The following IDO2 variants were observed in gnomAD, a reference collection of about 807,000 sequenced individuals.
IDO2 encodes the protein indoleamine 2,3-dioxygenase-like 1 protein.
A neutral mutation model predicts 45.1 loss-of-function variants in IDO2; 46 were observed. That is an observed-to-expected ratio of 1.02 (90% CI 0.80 to 1.30). The LOEUF is 1.30. IDO2 is among the 50% of genes most tolerant of loss of function. IDO2 has a pLI of 0.00. For synonymous variants in IDO2, 218 were observed against 184.9 expected, an observed-to-expected ratio of 1.18 and a Z score of -1.45; for missense variants, 544 against 491.8, an observed-to-expected ratio of 1.11 and a Z score of -1.00.
chr8:39,987,913 G>A (rs778093896), exon 7 of IDO2: 5 of 1,611,760 alleles, frequency 3.1e-6, no homozygotes, highest in Non-Finnish European at 4.2e-6. Context: ...GAGAGAGCCT[G>A]CATGGTTTTA....
intron 1 of IDO2, among the ~76,000 whole-genome samples, chr8:39,944,762 C>T (rs1394135592): frequency 1.3e-5 from 2 of 152,172 alleles, no homozygotes; most frequent in African/African-American, 4.8e-5. Flanking sequence ...CTGGACCCCC[C>T]TCCCCTTTCT....
intron 6 of IDO2, 56 bp from the exon 7 acceptor site, chr8:39,987,815 G>A (rs1354754994): frequency 2.0e-6 from 2 of 1,017,272 alleles, no homozygotes; most frequent in Non-Finnish European, 3.0e-6. Flanking sequence ...TCTGGGCAGT[G>A]AGTACTCACG....
At chr8:39,976,161 T>C (rs1318763923) in intron 3 of IDO2, among the ~76,000 whole-genome samples, 1 of 151,982 alleles carries the variant, frequency 6.6e-6, no homozygotes, top group African/African-American at 2.4e-5. Context: ...TGTATTTTTA[T>C]AGAGATGGGA....
At chr8:39,953,866 T>C (rs1304413559) in intron 2 of IDO2, among the ~76,000 whole-genome samples, 1 of 152,220 alleles carries the variant, frequency 6.6e-6, no homozygotes, top group Non-Finnish European at 1.5e-5. Flanking sequence ...ACTTTTCTCT[T>C]CTACCCGAGA....
At chr8:39,936,236 T>G (rs1037805054) in intron 1 of IDO2, among the ~76,000 whole-genome samples, 15 of 152,176 alleles carry the variant, frequency 9.9e-5, no homozygotes, top group Admixed American at 2.6e-4. Context: ...TGCATTTTGA[T>G]GAAAAAAATT....
intron 5 of IDO2, among the ~76,000 whole-genome samples, chr8:39,984,397 C>A (rs1808394291): frequency 6.6e-6 from 1 of 152,182 alleles, no homozygotes; most frequent in South Asian, 2.1e-4. Context: ...ATCACTTGAA[C>A]CTGGGAGGCA....
intron 8 of IDO2, chr8:39,995,138 A>C (rs5029661): frequency 0.12 from 14,130 of 116,668 alleles, 1,014 homozygotes; most frequent in East Asian, 0.36. Context: ...AATTATTCTT[A>C]TTATTCTTCT....
chr8:39,981,564 C>A (rs1036447026), intron 4 of IDO2, among the ~76,000 whole-genome samples: 1 of 152,090 alleles, frequency 6.6e-6, no homozygotes, highest in African/African-American at 2.4e-5. Context: ...CCCACCACCC[C>A]GCCTCAGATC....
At chr8:39,946,624 T>C (rs1807735642) in intron 1 of IDO2, among the ~76,000 whole-genome samples, 1 of 151,842 alleles carries the variant, frequency 6.6e-6, no homozygotes, top group Non-Finnish European at 1.5e-5. Context: ...AATAAATAGA[T>C]AAATAACCTC....
chr8:40,005,436 T>A, intron 9 of IDO2, 58 bp downstream of exon 9: 4 of 1,140,206 alleles, frequency 3.5e-6, no homozygotes, highest in Non-Finnish European at 4.9e-6. Context: ...ACTGAATGTA[T>A]AAGGGGACGA....
chr8:39,975,204 C>T (rs533596899), intron 3 of IDO2, among the ~76,000 whole-genome samples: 6 of 145,574 alleles, frequency 4.1e-5, no homozygotes, highest in Non-Finnish European at 7.5e-5. Flanking sequence ...CTCACTCTGT[C>T]GCCCAGGCTG....
intron 7 of IDO2, among the ~76,000 whole-genome samples, chr8:39,988,189 A>T (rs1413557269): frequency 6.6e-6 from 1 of 152,156 alleles, no homozygotes; most frequent in East Asian, 1.9e-4. Flanking sequence ...TCCATTCAAC[A>T]AACAGGCATT....
chr8:39,980,843 G>A (rs1442731857), intron 4 of IDO2, among the ~76,000 whole-genome samples: 1 of 151,420 alleles, frequency 6.6e-6, no homozygotes, highest in Non-Finnish European at 1.5e-5. Context: ...TCGGCTTCCT[G>A]GGTCCAAGGG....
At chr8:39,953,513 A>G (rs1439394063) in intron 2 of IDO2, among the ~76,000 whole-genome samples, 1 of 152,190 alleles carries the variant, frequency 6.6e-6, no homozygotes, top group East Asian at 1.9e-4. Flanking sequence ...AGTCCCATAA[A>G]TTGAAATCTA....
At chr8:39,977,895 T>C (rs1808285746) in intron 3 of IDO2, among the ~76,000 whole-genome samples, 2 of 152,226 alleles carry the variant, frequency 1.3e-5, no homozygotes, top group Admixed American at 6.5e-5. Context: ...AATAATCACA[T>C]CAGAGTAAAC....
At chr8:39,956,695 TG>T (rs1807906926) in intron 2 of IDO2, among the ~76,000 whole-genome samples, 2 of 152,124 alleles carry the variant, frequency 1.3e-5, no homozygotes, top group African/African-American at 4.8e-5. Context: ...ATATAGAAAG[TG>T]TTCACTTTGT....
At chr8:39,970,591 C>A (rs181266062) in intron 3 of IDO2, among the ~76,000 whole-genome samples, 1 of 152,180 alleles carries the variant, frequency 6.6e-6, no homozygotes, top group East Asian at 1.9e-4. Context: ...GGGGTTTCAC[C>A]ACATTGGCCA....
At chr8:39,996,828 A>G (rs1802052595) in intron 8 of IDO2, among the ~76,000 whole-genome samples, 1 of 152,196 alleles carries the variant, frequency 6.6e-6, no homozygotes, top group Non-Finnish European at 1.5e-5. Flanking sequence ...ATTAAACTTA[A>G]ATGAATTCCA....
At chr8:39,967,634 C>T (rs1563429970) in intron 3 of IDO2, among the ~76,000 whole-genome samples, 5 of 152,070 alleles carry the variant, frequency 3.3e-5, no homozygotes, top group Admixed American at 1.3e-4. Context: ...ATTACAGGCA[C>T]CCGCCACCAC....
Sources: gnomAD v4.1 joint callset for allele counts (sites outside exome capture counted in the v4.1 genomes callset) on GRCh38, gnomAD v4.1.1 for gene constraint, MANE v1.5 for transcripts, NCBI Gene and HGNC (gene_info 2026-07-23, HGNC 2026-07-21) for gene names.